NTRK2: variants seen among roughly 807,000 people sequenced by gnomAD.
The protein encoded by NTRK2 is BDNF/NT-3 growth factors receptor.
In NTRK2, 13 loss-of-function variants were observed where a neutral mutation model predicts 94.5. The observed-to-expected ratio is 0.14, with a 90% CI of 0.09 to 0.22. The LOEUF is 0.22. NTRK2 is among the 10% of genes least tolerant of loss of function. NTRK2 has a pLI of 1.00. For synonymous variants in NTRK2, 372 were observed against 407.4 expected (o/e 0.91, Z 1.05); for missense variants, 639 against 1,071.2 (o/e 0.60, Z 5.63).
At chr9:84,677,306 C>T (rs1415925798) in intron 2 of NTRK2, among the ~76,000 whole-genome samples, 1 of 152,130 alleles carries the variant, frequency 6.6e-6, no homozygotes, top group Non-Finnish European at 1.5e-5. Flanking sequence ...CCTGACTTCT[C>T]AATGCCTCAA....
At chr9:84,991,332 G>A (rs542818058) in intron 17 of NTRK2, among the ~76,000 whole-genome samples, 3 of 152,124 alleles carry the variant, frequency 2.0e-5, no homozygotes, top group Non-Finnish European at 4.4e-5. Context: ...GCTTCCCTCC[G>A]TATTTCTGTG....
chr9:84,808,237 A>C (rs1051769103), intron 12 of NTRK2, among the ~76,000 whole-genome samples: 3 of 152,102 alleles, frequency 2.0e-5, no homozygotes, highest in South Asian at 2.1e-4. Context: ...TGTAATAATT[A>C]GTGAGCCTGG....
intron 17 of NTRK2, among the ~76,000 whole-genome samples, chr9:84,967,439 A>G (rs1044495352): frequency 6.6e-6 from 1 of 152,234 alleles, no homozygotes; most frequent in Admixed American, 6.5e-5. Context: ...CAGCTTGTCA[A>G]GGTATCCTTG....
At chr9:85,005,238 A>T (rs776092920) in intron 17 of NTRK2, among the ~76,000 whole-genome samples, 2 of 152,218 alleles carry the variant, frequency 1.3e-5, no homozygotes, top group Non-Finnish European at 1.5e-5. Flanking sequence ...ATGGCTGATG[A>T]CTGCCTTAGC....
In NTRK2 at chr9:84,758,967, T is replaced by C. The variant is rs570531649; in HGVS notation, c.1396+6882T>C. 2.6e-5 allele frequency among the ~76,000 whole-genome samples: 4 copies of C among 152,160 alleles called. No homozygotes were observed. The South Asian group carries it at 8.3e-4, about 32-fold the overall frequency. On this transcript the variant is annotated intron_variant, in intron 12 of 18. Transcript: ENST00000277120. ...ACCACACAAAATAGTATCAGAGAAATAAGTTTTCACAGAAACCCTTTGTTA... is the reference window on the plus strand; with the variant it reads ...ACCACACAAAATAGTATCAGAGAAACAAGTTTTCACAGAAACCCTTTGTTA...
chr9:84,993,409 C>T (rs948751971), intron 17 of NTRK2, among the ~76,000 whole-genome samples: 6 of 152,202 alleles, frequency 3.9e-5, no homozygotes, highest in Non-Finnish European at 8.8e-5. Flanking sequence ...TACTCAAGTG[C>T]TTCCTATCTC....
intron 12 of NTRK2, among the ~76,000 whole-genome samples, chr9:84,833,792 A>G (rs2073713541): frequency 6.6e-6 from 1 of 152,148 alleles, no homozygotes; most frequent in Non-Finnish European, 1.5e-5. Context: ...CAAGTAACTC[A>G]CTGACACTTT....
At chr9:84,893,200 C>T (rs975112026) in intron 14 of NTRK2, among the ~76,000 whole-genome samples, 2 of 152,182 alleles carry the variant, frequency 1.3e-5, no homozygotes, top group African/African-American at 4.8e-5. Context: ...TCACCCTCCA[C>T]CAGAGGCAAT....
chr9:84,811,499 C>T (rs199818751), intron 12 of NTRK2: 12 of 1,065,264 alleles, frequency 1.1e-5, no homozygotes, highest in Non-Finnish European at 1.1e-5. Flanking sequence ...AGAAGTCTGC[C>T]GAGTGAGAAG....
chr9:84,820,560 G>C (rs1054110226), intron 12 of NTRK2, among the ~76,000 whole-genome samples: 8 of 152,128 alleles, frequency 5.3e-5, no homozygotes, highest in African/African-American at 1.7e-4. Context: ...ACGCATTCAT[G>C]ACATATTTAA....
At chr9:84,776,147 A>G (rs899575732) in intron 12 of NTRK2, among the ~76,000 whole-genome samples, 3 of 132,020 alleles carry the variant, frequency 2.3e-5, no homozygotes, top group African/African-American at 8.3e-5. Flanking sequence ...ATAGATAGGT[A>G]GGTAGAGAGA....
At chr9:84,992,756 C>T (rs1248632494) in intron 17 of NTRK2, among the ~76,000 whole-genome samples, 1 of 152,006 alleles carries the variant, frequency 6.6e-6, no homozygotes, top group Non-Finnish European at 1.5e-5. Flanking sequence ...TGTCAATTTC[C>T]TGTGCTCCAT....
intron 12 of NTRK2, among the ~76,000 whole-genome samples, chr9:84,788,112 A>C (rs935252538): frequency 6.6e-6 from 1 of 152,240 alleles, no homozygotes; most frequent in African/African-American, 2.4e-5. Context: ...CATAATAAGC[A>C]TAAGAGTAAC....
rs1832780501 is a variant in NTRK2 at position 85,021,545 on chromosome 9, T to C, written c.*108T>C. The C allele has an allele frequency of 4.6e-6, 5 of 1,088,602 alleles. No individual in the cohort carries two copies. The Admixed American group carries it at 8.5e-5, about 19-fold the overall frequency. The allele number at this position is 1,088,602 out of a possible 1,614,324, so 67.4% of individuals were successfully genotyped here. A position where few individuals can be genotyped will look rare whatever the true frequency, so the allele number is the denominator to read the frequency against. On this transcript the variant is annotated 3_prime_UTR_variant, in exon 19 of 19. Coordinates refer to ENST00000277120, the MANE Select transcript of NTRK2 (RefSeq NM_006180.6). ...GCCACCAAGCTGCTCTCCTTCACTC[T>C]GACAGTATTAACATCAAAGACTCCG...
chr9:84,744,833 C>A (rs1244513282), intron 10 of NTRK2, 140 bp from the exon 11 acceptor site: 11 of 771,386 alleles, frequency 1.4e-5, no homozygotes, highest in Non-Finnish European at 2.4e-5. Flanking sequence ...CTGGTCACGT[C>A]CCTCCACAGC....
chr9:84,731,355 G>A (rs752497951), intron 9 of NTRK2, among the ~76,000 whole-genome samples: 3 of 152,130 alleles, frequency 2.0e-5, no homozygotes, highest in Non-Finnish European at 4.4e-5. Context: ...AGGATTGCTT[G>A]AGCCTGGGAG....
At chr9:84,784,058 T>C (rs1480950727) in intron 12 of NTRK2, among the ~76,000 whole-genome samples, 1 of 151,880 alleles carries the variant, frequency 6.6e-6, no homozygotes, top group Non-Finnish European at 1.5e-5. Flanking sequence ...AGAAAATGAA[T>C]CCCAAAAATG....
At chr9:84,874,813 C>T in intron 14 of NTRK2, 1 of 1,058,050 alleles carries the variant, frequency 9.5e-7, no homozygotes, top group South Asian at 4.6e-5. Flanking sequence ...AATGCTGAGG[C>T]AGTTCCTGTT....
intron 17 of NTRK2, among the ~76,000 whole-genome samples, chr9:84,987,696 G>C (rs891300309): frequency 6.6e-6 from 1 of 152,116 alleles, no homozygotes; most frequent in Non-Finnish European, 1.5e-5. Flanking sequence ...TCTTTAAATA[G>C]TATTTTCTTG....
Sources: gnomAD v4.1 joint callset for allele counts (sites outside exome capture counted in the v4.1 genomes callset) on GRCh38, gnomAD v4.1.1 for gene constraint, MANE v1.5 for transcripts, NCBI Gene and HGNC (gene_info 2026-07-23, HGNC 2026-07-21) for gene names.